THSD4: variants seen among roughly 807,000 people sequenced by gnomAD.
THSD4 encodes the protein thrombospondin type-1 domain-containing protein 4.
Under a neutral mutation model 119.0 loss-of-function variants are expected in THSD4, and 69 were observed. That is an observed-to-expected ratio of 0.58 (90% CI 0.48 to 0.71). The LOEUF (loss-of-function observed/expected upper bound fraction) is 0.71. Among genes scored for constraint, THSD4 ranks in the 30% least tolerant of loss-of-function variants. The pLI, the probability that THSD4 is intolerant of heterozygous loss-of-function variation, is 0.00. For missense variants in THSD4, 1,393 were observed against 1,391.1 expected, an observed-to-expected ratio of 1.00 and a Z score of -0.02; for synonymous variants, 524 against 540.4, an observed-to-expected ratio of 0.97 and a Z score of 0.42.
chr15:71,199,865 GT>G (rs2043779370), intron 3 of THSD4, among the ~76,000 whole-genome samples: 1 of 119,576 alleles, frequency 8.4e-6, no homozygotes, highest in African/African-American at 3.3e-5. Context: ...CATGTGTGGG[GT>G]GTGTGTGTGT....
At chr15:71,210,998 A>G (rs2043884331) in intron 3 of THSD4, among the ~76,000 whole-genome samples, 1 of 152,174 alleles carries the variant, frequency 6.6e-6, no homozygotes, top group African/African-American at 2.4e-5. Flanking sequence ...AAGATGAACT[A>G]CTAAAAGTAG....
chr15:71,593,200 G>A (rs371157918), intron 7 of THSD4, among the ~76,000 whole-genome samples: 15,538 of 20,002 alleles, frequency 0.78, 7,529 homozygotes, highest in Non-Finnish European at 1. Context: ...CGAGGCGGGC[G>A]GATCACGAGG....
intron 7 of THSD4, among the ~76,000 whole-genome samples, chr15:71,548,981 G>A (rs2048884871): frequency 6.6e-6 from 1 of 152,224 alleles, no homozygotes; most frequent in Admixed American, 6.5e-5. Flanking sequence ...TTAGTTACCT[G>A]CACACAGCTG....
chr15:71,669,824 G>T (rs767262404), intron 8 of THSD4, among the ~76,000 whole-genome samples: 1 of 152,182 alleles, frequency 6.6e-6, no homozygotes, highest in African/African-American at 2.4e-5. Flanking sequence ...GTGGGCAGGG[G>T]TCAGACAGGC....
chr15:71,256,834 A>G, intron 6 of THSD4, 119 bp downstream of exon 6: 1 of 849,390 alleles, frequency 1.2e-6, no homozygotes, highest in East Asian at 2.7e-5. Context: ...AATAGGGGAG[A>G]AAGTGTGACT....
At chr15:71,230,138 A>T (rs1422164329) in intron 4 of THSD4, among the ~76,000 whole-genome samples, 1 of 152,124 alleles carries the variant, frequency 6.6e-6, no homozygotes, top group Non-Finnish European at 1.5e-5. Context: ...TCCCTGGGAG[A>T]GAGGGGATAG....
intron 14 of THSD4, among the ~76,000 whole-genome samples, chr15:71,753,752 G>A (rs1049398028): frequency 1.3e-5 from 2 of 152,236 alleles, no homozygotes; most frequent in Non-Finnish European, 2.9e-5. Flanking sequence ...TGCTTCTGCT[G>A]ACAGGCTTCC....
At chr15:71,582,040 GA>G (rs2049570088) in intron 7 of THSD4, among the ~76,000 whole-genome samples, 2 of 152,010 alleles carry the variant, frequency 1.3e-5, no homozygotes, top group Non-Finnish European at 2.9e-5. Context: ...CAGTTTCTGT[GA>G]AAAATGCCTT....
chr15:71,647,562 T>TA, intron 7 of THSD4, among the ~76,000 whole-genome samples: 1 of 152,246 alleles, frequency 6.6e-6, no homozygotes, highest in East Asian at 1.9e-4. Context: ...TTTAATTTCT[T>TA]AGTCATTCTG....
intron 5 of THSD4, among the ~76,000 whole-genome samples, chr15:71,248,325 G>C (rs113462514): frequency 0.014 from 2,080 of 152,166 alleles, 14 homozygotes; most frequent in Middle Eastern, 0.02. Context: ...CTTTGTCTTG[G>C]GGACTTAGGT....
At chr15:71,225,551 CTTTTTTT>C (rs748966344) in intron 4 of THSD4, among the ~76,000 whole-genome samples, 1 of 41,236 alleles carries the variant, frequency 2.4e-5, no homozygotes, top group Non-Finnish European at 4.9e-5. Context: ...TTTTTTTTTT[CTTTTTTT>C]TTTTTTTGAG....
chr15:71,247,913 G>T (rs772044893), intron 5 of THSD4, among the ~76,000 whole-genome samples: 35 of 152,196 alleles, frequency 2.3e-4, no homozygotes, highest in Non-Finnish European at 4.7e-4. Context: ...AGAGGAAGGA[G>T]AAATCAAACC....
intron 7 of THSD4, among the ~76,000 whole-genome samples, chr15:71,650,682 G>A (rs2051066345): frequency 1.3e-5 from 2 of 152,144 alleles, no homozygotes; most frequent in Non-Finnish European, 1.5e-5. Flanking sequence ...GAGGCCATCC[G>A]GGTACAACAT....
Position 71,728,642 on chromosome 15 carries a change from A to G in THSD4, c.1451A>G (p.Tyr484Cys), listed in dbSNP as rs1314565261. ...KYEGGGTMFT[Y>C]KRPNEISSTA... ...GAGGGCGGAGGGACCATGTTCACCT[A>G]CAAGCGTCCAAATGAGATTTCGAGC... Residue 484 changes from tyrosine (Y) to cysteine (C), a missense_variant, in exon 9 of 18, where the codon TAC becomes TGC. Physicochemically the swap from Tyr to Cys is radical, Grantham distance 194. Transcript: ENST00000261862. The G allele has an allele frequency of 1.2e-5, 19 of 1,614,226 alleles. No homozygotes were observed. Among genetic ancestry groups the G allele is most frequent in the Non-Finnish European group, 1.6e-5 (19 of 1,180,034 alleles).
intron 8 of THSD4, among the ~76,000 whole-genome samples, chr15:71,707,893 A>C (rs1328794044): frequency 6.6e-6 from 1 of 152,206 alleles, no homozygotes; most frequent in East Asian, 1.9e-4. Context: ...TTCCAGCCTG[A>C]TACTTTCCAG....
intron 7 of THSD4, among the ~76,000 whole-genome samples, chr15:71,450,637 A>G (rs1038545510): frequency 6.6e-6 from 1 of 152,248 alleles, no homozygotes; most frequent in Non-Finnish European, 1.5e-5. Flanking sequence ...AACTTTGCTC[A>G]TAACTCAGCT....
At chr15:71,220,873 GAAA>G (rs1328292982) in intron 4 of THSD4, among the ~76,000 whole-genome samples, 1 of 152,120 alleles carries the variant, frequency 6.6e-6, no homozygotes. Context: ...GGCTTGCTCA[GAAA>G]AATCCTCCAC....
At chr15:71,577,897 G>A (rs1219802952) in intron 7 of THSD4, among the ~76,000 whole-genome samples, 2 of 150,036 alleles carry the variant, frequency 1.3e-5, no homozygotes, top group East Asian at 2.0e-4. Flanking sequence ...TTTCGTGTGC[G>A]GTTTTAGTAG....
intron 7 of THSD4, among the ~76,000 whole-genome samples, chr15:71,604,828 C>CAAA (rs138151805): frequency 6.4e-4 from 94 of 146,062 alleles, no homozygotes; most frequent in Non-Finnish European, 1.6e-4. Context: ...AAAACAAAAA[C>CAAA]AAAAAAAAAA....
Sources: allele counts gnomAD v4.1 joint callset (sites outside exome capture counted in the v4.1 genomes callset), GRCh38; gene constraint gnomAD v4.1.1; transcripts MANE v1.5; gene names NCBI Gene and HGNC (gene_info 2026-07-23, HGNC 2026-07-21).